Variants in RELL1 observed in about 807,000 individuals in gnomAD.
RELL1 encodes RELT like 1, also known as RELT-like protein 1.
A neutral mutation model predicts 23.0 loss-of-function variants in RELL1; 10 were observed. The observed-to-expected ratio is 0.43, with a 90% CI of 0.27 to 0.74. The LOEUF (loss-of-function observed/expected upper bound fraction) is 0.74. RELL1 is among the 30% of genes least tolerant of loss of function. RELL1 has a pLI of 0.19. For synonymous variants in RELL1, 146 were observed against 146.8 expected, an observed-to-expected ratio of 0.99 and a Z score of 0.04; for missense variants, 315 against 364.4, an observed-to-expected ratio of 0.86 and a Z score of 1.10.
chr4:37,672,384 T>TCCCACTCAAGAAACTCCAA (rs1721863267), intron 1 of RELL1, among the ~76,000 whole-genome samples: 1 of 152,150 alleles, frequency 6.6e-6, no homozygotes, highest in African/African-American at 2.4e-5. Context: ...TCCCAAGGGT[T>TCCCACTCAAGAAACTCCAA]ATTTTTAGGA....
chr4:37,653,699 C>G (rs1386929101), intron 1 of RELL1, among the ~76,000 whole-genome samples: 1 of 152,146 alleles, frequency 6.6e-6, no homozygotes, highest in Non-Finnish European at 1.5e-5. Flanking sequence ...TCTCCCTGAC[C>G]CACAGAATGT....
chr4:37,604,810 GACACACACACAGACACACACATACACAC>G (rs1719118766), intron 6 of RELL1, among the ~76,000 whole-genome samples: 2 of 73,598 alleles, frequency 2.7e-5, no homozygotes, highest in African/African-American at 1.3e-4. Flanking sequence ...CACACACACA[GACACACACACAGACACACACATACACAC>G]AGACACACAC....
intron 1 of RELL1, among the ~76,000 whole-genome samples, chr4:37,668,221 C>CCCCTCT (rs1323276685): frequency 1.1e-3 from 160 of 149,634 alleles, no homozygotes; most frequent in African/African-American, 3.8e-3. Context: ...CCTCCCCCTC[C>CCCCTCT]CCCTCTCCCT....
rs1553872212 is a variant in RELL1 at position 37,612,322 on chromosome 4, TAAAAAA to T, written c.*1018_*1023del. On this transcript the variant is annotated 3_prime_UTR_variant, in exon 7 of 7. Coordinates refer to ENST00000454158, the MANE Select transcript of RELL1 (RefSeq NM_001085400.2). ...AACCAAGAATCGCTCAGCTAAAGGT[TAAAAAA>T]AAAAAAAAAACAAAAAAAAACAAAA... Among the ~76,000 whole-genome samples, 1 of 83,508 alleles carries T rather than the reference TAAAAAA, an allele frequency of 1.2e-5. No homozygotes were observed. Among genetic ancestry groups the T allele is most frequent in the Admixed American group, 1.5e-4 (1 of 6,864 alleles). The allele number at this position is 83,508 out of a possible 152,430, so 54.8% of individuals were successfully genotyped here. A position where few individuals can be genotyped will look rare whatever the true frequency, so the allele number is the denominator to read the frequency against.
At chr4:37,604,908 C>CACACACACAG (rs1719143506) in intron 6 of RELL1, among the ~76,000 whole-genome samples, 1 of 72,206 alleles carries the variant, frequency 1.4e-5, no homozygotes. Context: ...CAGACACACA[C>CACACACACAG]ACACACACAC....
chr4:37,598,068 T>C (rs1718916283), intron 6 of RELL1, among the ~76,000 whole-genome samples: 1 of 107,130 alleles, frequency 9.3e-6, no homozygotes, highest in Admixed American at 1.2e-4. Context: ...ATGTAATATA[T>C]ATATATCATA....
chr4:37,604,397 C>T (rs1719097467), intron 6 of RELL1, among the ~76,000 whole-genome samples: 1 of 152,152 alleles, frequency 6.6e-6, no homozygotes, highest in African/African-American at 2.4e-5. Flanking sequence ...CTAGTGCACA[C>T]ATTCTGAGTT....
At chr4:37,685,938 C>T (rs6531574) in intron 1 of RELL1, among the ~76,000 whole-genome samples, 2 of 152,144 alleles carry the variant, frequency 1.3e-5, no homozygotes, top group African/African-American at 4.8e-5. Context: ...CACTGCCCAG[C>T]GCTGGGGAAC....
chr4:37,685,157 C>T (rs910405551), intron 1 of RELL1, among the ~76,000 whole-genome samples: 1 of 152,112 alleles, frequency 6.6e-6, no homozygotes, highest in Non-Finnish European at 1.5e-5. Context: ...AAGTTGTAAG[C>T]GACTGAAATG....
At position 37,621,811 on chromosome 4, in the gene RELL1, G is replaced by C. The variant is rs28689772; in HGVS notation, c.*4-8469C>G. Among the ~76,000 whole-genome samples, 1,119 of 152,282 alleles carry C rather than the reference G, an allele frequency of 7.3e-3. 13 individuals are homozygous for C. The highest frequency in any genetic ancestry group is 0.025 in the African/African-American group (1,047 of 41,570). ...GTGTTAGGAGGAGATGGCTTGCTTTGGTGGCAACTCAAAGCAAAACAAATC... is the reference window on the plus strand; with the variant it reads ...GTGTTAGGAGGAGATGGCTTGCTTTCGTGGCAACTCAAAGCAAAACAAATC... On this transcript the variant is annotated intron_variant, in intron 6 of 6. Transcript: ENST00000454158.
chr4:37,660,090 T>A (rs1269526906), intron 1 of RELL1, among the ~76,000 whole-genome samples: 1 of 151,704 alleles, frequency 6.6e-6, no homozygotes, highest in Non-Finnish European at 1.5e-5. Context: ...ATTTATTTAT[T>A]TATTTATTTT....
chr4:37,588,146 G>A (rs1718414527), downstream of RELL1: 1 of 152,252 alleles, frequency 6.6e-6, no homozygotes, highest in South Asian at 2.1e-4. Context: ...CCAGCTTGGG[G>A]AGGGGTCAGG....
intron 1 of RELL1, 135 bp downstream of exon 1, chr4:37,686,065 T>C (rs1317394230): frequency 4.1e-6 from 3 of 740,506 alleles, no homozygotes; most frequent in Non-Finnish European, 6.4e-6. Context: ...GGACAGCCAG[T>C]TGTTCAGTGC....
At chr4:37,618,498 G>A (rs552999006) in intron 6 of RELL1, among the ~76,000 whole-genome samples, 4 of 151,936 alleles carry the variant, frequency 2.6e-5, no homozygotes, top group African/African-American at 7.2e-5. Flanking sequence ...TCAGCCTCCC[G>A]AACTGCTGGG....
intron 5 of RELL1, among the ~76,000 whole-genome samples, chr4:37,634,188 A>G (rs10025367): frequency 0.46 from 70,510 of 152,122 alleles, 17,007 homozygotes; most frequent in East Asian, 0.67. Context: ...TATGGGTCAC[A>G]AGTGAAAGGT....
At chr4:37,644,613 C>T (rs972999121) in intron 3 of RELL1, among the ~76,000 whole-genome samples, 4 of 151,684 alleles carry the variant, frequency 2.6e-5, no homozygotes, top group African/African-American at 9.7e-5. Flanking sequence ...ACATGCACCA[C>T]CACGCCCAGC....
intron 1 of RELL1, among the ~76,000 whole-genome samples, chr4:37,661,906 C>T (rs577298776): frequency 1.3e-5 from 2 of 152,320 alleles, no homozygotes; most frequent in African/African-American, 4.8e-5. Context: ...AGACAAACAG[C>T]TGCTACAACC....
intron 1 of RELL1, among the ~76,000 whole-genome samples, chr4:37,659,752 A>C (rs1721254565): frequency 6.6e-6 from 1 of 152,064 alleles, no homozygotes; most frequent in Non-Finnish European, 1.5e-5. Context: ...CTGGGCTGAC[A>C]CTGCTGGAGA....
Position 37,686,260 on chromosome 4 carries a change from C to T in RELL1, c.28G>A (p.Ala10Thr). MAPRALPGS[A>T]VLAAAVFVGG... ...ACGAAGACAGCAGCGGCTAGGACGG[C>T]GGACCCCGGGAGTGCCCGCGGAGCC... is the stretch of plus-strand genomic sequence containing the variant. The change falls in exon 1 of 7, where the codon GCC (alanine) becomes ACC (threonine). Residue 10 changes from alanine (A) to threonine (T), a missense_variant. Coordinates refer to ENST00000454158, the MANE Select transcript of RELL1 (RefSeq NM_001085400.2). 2 of 1,565,408 alleles carry T rather than the reference C, an allele frequency of 1.3e-6. No individual in the cohort carries two copies. Among genetic ancestry groups the T allele is most frequent in the Admixed American group, 1.8e-5 (1 of 56,390 alleles).
Sources: gnomAD v4.1 joint callset for allele counts (sites outside exome capture counted in the v4.1 genomes callset) on GRCh38, gnomAD v4.1.1 for gene constraint, MANE v1.5 for transcripts, NCBI Gene and HGNC (gene_info 2026-07-23, HGNC 2026-07-21) for gene names.